Variants in LRRTM3 observed in about 807,000 individuals in gnomAD.
LRRTM3 encodes the protein leucine-rich repeat transmembrane neuronal protein 3.
In LRRTM3, 24 loss-of-function variants were observed where a neutral mutation model predicts 44.7. The observed-to-expected ratio is 0.54, with a 90% CI of 0.39 to 0.76. The LOEUF (loss-of-function observed/expected upper bound fraction) is 0.76, where lower values mean the gene tolerates loss of function less well. Ranked by LOEUF, LRRTM3 falls within the 30% of genes least tolerant of loss-of-function variation. The pLI, the probability that LRRTM3 is intolerant of heterozygous loss-of-function variation, is 0.00. For missense variants in LRRTM3, 587 were observed against 702.2 expected, an observed-to-expected ratio of 0.84 and a Z score of 1.85; for synonymous variants, 277 against 278.7, an observed-to-expected ratio of 0.99 and a Z score of 0.06.
chr10:67,042,610 G>A (rs1433806351), intron 2 of LRRTM3, among the ~76,000 whole-genome samples: 1 of 151,890 alleles, frequency 6.6e-6, no homozygotes, highest in African/African-American at 2.4e-5. Flanking sequence ...GAAGCTAGGA[G>A]GAGAAAGGAA....
At chr10:66,983,237 T>C (rs1308225526) in intron 2 of LRRTM3, among the ~76,000 whole-genome samples, 1 of 152,116 alleles carries the variant, frequency 6.6e-6, no homozygotes, top group Non-Finnish European at 1.5e-5. Flanking sequence ...CTGCCACAGA[T>C]TTCATTCCAT....
intron 2 of LRRTM3, among the ~76,000 whole-genome samples, chr10:66,970,819 G>A (rs1361250255): frequency 2.0e-5 from 3 of 152,058 alleles, no homozygotes; most frequent in Non-Finnish European, 4.4e-5. Flanking sequence ...TATATACATG[G>A]TAACACCATC....
At chr10:67,034,725 A>G (rs1853936995) in intron 2 of LRRTM3, among the ~76,000 whole-genome samples, 2 of 151,864 alleles carry the variant, frequency 1.3e-5, no homozygotes, top group Non-Finnish European at 1.5e-5. Flanking sequence ...GCAAAAACTG[A>G]CTCTCTAGTG....
intron 2 of LRRTM3, among the ~76,000 whole-genome samples, chr10:67,096,334 T>C (rs184443804): frequency 1.6e-4 from 25 of 151,910 alleles, no homozygotes; most frequent in Admixed American, 5.3e-4. Flanking sequence ...ACGGTTCTAA[T>C]GCATGGAGAG....
chr10:66,932,985 T>C (rs998096328), intron 2 of LRRTM3, among the ~76,000 whole-genome samples: 3 of 152,222 alleles, frequency 2.0e-5, no homozygotes, highest in Non-Finnish European at 4.4e-5. Context: ...CTTTTCTGAA[T>C]TTGAAGTTTC....
intron 2 of LRRTM3, among the ~76,000 whole-genome samples, chr10:67,076,974 C>T (rs534248898): frequency 5.3e-5 from 8 of 152,294 alleles, no homozygotes; most frequent in African/African-American, 1.9e-4. Flanking sequence ...CCACACTCAC[C>T]GCCAAAGCAA....
intron 2 of LRRTM3, among the ~76,000 whole-genome samples, chr10:66,936,653 A>G (rs758409020): frequency 2.0e-5 from 3 of 152,254 alleles, no homozygotes; most frequent in Non-Finnish European, 4.4e-5. Context: ...ATTGAACTCT[A>G]CAGCGCAATC....
chr10:66,978,960 C>CG (rs1850245889), intron 2 of LRRTM3, among the ~76,000 whole-genome samples: 1 of 83,784 alleles, frequency 1.2e-5, no homozygotes, highest in African/African-American at 4.5e-5. Context: ...TACTTATTTC[C>CG]TTTTTTTTTT....
At chr10:66,965,817 AT>A (rs1234168430) in intron 2 of LRRTM3, among the ~76,000 whole-genome samples, 3 of 152,018 alleles carry the variant, frequency 2.0e-5, no homozygotes, top group Non-Finnish European at 2.9e-5. Flanking sequence ...CAGCATGCAG[AT>A]TTTTTTTCTA....
chr10:67,079,897 A>G (rs1856960318), intron 2 of LRRTM3, among the ~76,000 whole-genome samples: 1 of 151,120 alleles, frequency 6.6e-6, no homozygotes, highest in Admixed American at 6.6e-5. Context: ...ACACACACAC[A>G]CACACACACA....
chr10:67,058,964 T>G (rs1271051369), intron 2 of LRRTM3, among the ~76,000 whole-genome samples: 1 of 152,212 alleles, frequency 6.6e-6, no homozygotes, highest in African/African-American at 2.4e-5. Context: ...AAGAAATTAT[T>G]TTTATCATGA....
chr10:67,091,296 T>C (rs1187187359), intron 2 of LRRTM3, among the ~76,000 whole-genome samples: 2 of 151,988 alleles, frequency 1.3e-5, no homozygotes, highest in Non-Finnish European at 2.9e-5. Context: ...AATTAAAACA[T>C]TTCTTTAAGT....
intron 2 of LRRTM3, among the ~76,000 whole-genome samples, chr10:67,040,061 C>CT (rs948448777): frequency 4.6e-5 from 7 of 151,828 alleles, no homozygotes; most frequent in Non-Finnish European, 1.0e-4. Context: ...TCATCTCTCT[C>CT]TTTTTTTTGG....
chr10:66,994,612 C>T (rs1321870552), intron 2 of LRRTM3, among the ~76,000 whole-genome samples: 2 of 152,134 alleles, frequency 1.3e-5, no homozygotes, highest in African/African-American at 4.8e-5. Flanking sequence ...ATTCTTTACT[C>T]TCAACAAGGG....
At chr10:67,013,391 TTAA>T (rs1852460283) in intron 2 of LRRTM3, among the ~76,000 whole-genome samples, 2 of 152,020 alleles carry the variant, frequency 1.3e-5, no homozygotes, top group East Asian at 1.9e-4. Context: ...ACTAAAAAAA[TTAA>T]TAATAACTTC....
intron 2 of LRRTM3, among the ~76,000 whole-genome samples, chr10:67,026,301 T>C (rs1445910310): frequency 6.6e-6 from 1 of 152,082 alleles, no homozygotes; most frequent in Non-Finnish European, 1.5e-5. Context: ...CTTATGACCA[T>C]CTGGCAATCC....
At chr10:67,014,960 A>G (rs886104633) in intron 2 of LRRTM3, among the ~76,000 whole-genome samples, 1 of 152,118 alleles carries the variant, frequency 6.6e-6, no homozygotes, top group Non-Finnish European at 1.5e-5. Context: ...ATTTGACTAA[A>G]GAAAATTTGA....
chr10:67,043,580 G>A (rs1016634432), intron 2 of LRRTM3, among the ~76,000 whole-genome samples: 1 of 152,032 alleles, frequency 6.6e-6, no homozygotes, highest in Non-Finnish European at 1.5e-5. Context: ...TCTTTCCTCA[G>A]TCATTGATGT....
intron 2 of LRRTM3, among the ~76,000 whole-genome samples, chr10:66,976,557 C>T (rs1783208726): frequency 6.6e-6 from 1 of 152,168 alleles, no homozygotes; most frequent in South Asian, 2.1e-4. Flanking sequence ...GACATCATCT[C>T]TTCCTAAAAA....
Sources: gnomAD v4.1 joint callset for allele counts (sites outside exome capture counted in the v4.1 genomes callset) on GRCh38, gnomAD v4.1.1 for gene constraint, MANE v1.5 for transcripts, NCBI Gene and HGNC (gene_info 2026-07-23, HGNC 2026-07-21) for gene names.